The following SMYD3 variants were observed in gnomAD, a reference collection of about 807,000 sequenced individuals.
SMYD3 encodes the protein histone-lysine N-methyltransferase SMYD3.
Under a neutral mutation model 57.7 loss-of-function variants are expected in SMYD3, and 36 were observed. The ratio of observed to expected loss-of-function variants is 0.62; its 90% CI spans 0.48 to 0.82. The LOEUF is 0.82. Among genes scored for constraint, SMYD3 ranks in the 40% least tolerant of loss-of-function variants. The probability of loss-of-function intolerance (pLI) is 0.00; values close to 1 mark genes in which losing one functional copy is unlikely to be tolerated. For missense variants in SMYD3, 515 were observed against 538.8 expected (o/e 0.96, Z 0.44); for synonymous variants, 211 against 195.0 (o/e 1.08, Z -0.68).
chr1:245,961,802 T>G (rs1173123484), intron 5 of SMYD3, among the ~76,000 whole-genome samples: 1 of 152,170 alleles, frequency 6.6e-6, no homozygotes, highest in Non-Finnish European at 1.5e-5. Flanking sequence ...ATTTTGAGAC[T>G]GAGAATGTAG....
intron 7 of SMYD3, among the ~76,000 whole-genome samples, chr1:245,915,967 C>A (rs534571943): frequency 2.2e-4 from 33 of 152,110 alleles, no homozygotes; most frequent in Non-Finnish European, 4.3e-4. Context: ...CTAAGGTTTG[C>A]TAATAAATTC....
intron 5 of SMYD3, among the ~76,000 whole-genome samples, chr1:246,228,450 C>A (rs535699445): frequency 2.0e-5 from 3 of 152,182 alleles, no homozygotes; most frequent in Non-Finnish European, 4.4e-5. Flanking sequence ...GAGGCTCCAA[C>A]ATTTTGAGGC....
chr1:246,439,155 T>TCAAGAC (rs1229445445), intron 1 of SMYD3, among the ~76,000 whole-genome samples: 4 of 150,990 alleles, frequency 2.6e-5, no homozygotes. Flanking sequence ...AGAGACAAGG[T>TCAAGAC]CTTGCTATGT....
intron 10 of SMYD3, among the ~76,000 whole-genome samples, chr1:245,816,077 C>T (rs1014406647): frequency 1.3e-5 from 2 of 152,112 alleles, no homozygotes; most frequent in African/African-American, 4.8e-5. Context: ...TGGTCAAAGC[C>T]CTGGGGTGTG....
At chr1:246,376,055 T>G (rs1246622403) in intron 1 of SMYD3, among the ~76,000 whole-genome samples, 1 of 152,112 alleles carries the variant, frequency 6.6e-6, no homozygotes, top group African/African-American at 2.4e-5. Flanking sequence ...TAATAAAGTT[T>G]TGGACTTTAT....
chr1:246,308,399 G>A (rs2065022491), intron 5 of SMYD3, among the ~76,000 whole-genome samples: 1 of 151,988 alleles, frequency 6.6e-6, no homozygotes, highest in South Asian at 2.1e-4. Context: ...ATATGCCATA[G>A]AAATAAAAGG....
chr1:246,190,308 C>T (rs777631331), intron 5 of SMYD3, among the ~76,000 whole-genome samples: 4 of 152,094 alleles, frequency 2.6e-5, no homozygotes, highest in Admixed American at 6.6e-5. Flanking sequence ...CATGGGAGGC[C>T]GGGCGCGGTG....
At chr1:245,878,132 C>T (rs1427841118) in intron 8 of SMYD3, among the ~76,000 whole-genome samples, 3 of 151,992 alleles carry the variant, frequency 2.0e-5, no homozygotes, top group East Asian at 3.9e-4. Flanking sequence ...TCAGAGAGAG[C>T]GTGCTTTGGG....
chr1:246,227,103 G>C (rs2063341541), intron 5 of SMYD3, among the ~76,000 whole-genome samples: 2 of 152,136 alleles, frequency 1.3e-5, no homozygotes, highest in South Asian at 4.2e-4. Flanking sequence ...TATTAACCAA[G>C]TCCAACGTCC....
At chr1:246,211,767 C>T (rs1273679067) in intron 5 of SMYD3, among the ~76,000 whole-genome samples, 1 of 152,002 alleles carries the variant, frequency 6.6e-6, no homozygotes, top group Non-Finnish European at 1.5e-5. Flanking sequence ...GAAGTATATA[C>T]GTGCAGATAT....
intron 10 of SMYD3, among the ~76,000 whole-genome samples, chr1:245,846,968 C>T (rs933405528): frequency 4.6e-5 from 7 of 152,216 alleles, no homozygotes; most frequent in African/African-American, 1.7e-4. Context: ...CATCTGTTTC[C>T]CTCTTTGCAG....
chr1:245,981,148 A>AT (rs1381281784), intron 5 of SMYD3, among the ~76,000 whole-genome samples: 1 of 152,202 alleles, frequency 6.6e-6, no homozygotes, highest in Non-Finnish European at 1.5e-5. Flanking sequence ...GACCTACCTG[A>AT]TTTATAGTAG....
At position 245,863,806 on chromosome 1, in the gene SMYD3, T is replaced by G. The variant is rs752171127; in HGVS notation, c.894A>C (p.Ala298=). 16 of 1,613,848 alleles carry G rather than the reference T, an allele frequency of 9.9e-6. No homozygotes were observed. The East Asian group carries it at 3.3e-4, about 34-fold the overall frequency. ...CCACAGGCGAAAGGATACTCCAGTG[T>G]GCCTTCAGTTCTTCAATTTTTTTCA... ...ESLKKIEELK[A]HWKWEQVLAM... Residue 298 remains alanine (A), a synonymous_variant, in exon 9 of 12, where the codon GCA becomes GCC. Transcript: ENST00000490107.
At chr1:245,932,683 G>A (rs2056790663) in intron 5 of SMYD3, among the ~76,000 whole-genome samples, 2 of 152,094 alleles carry the variant, frequency 1.3e-5, no homozygotes, top group Non-Finnish European at 1.5e-5. Flanking sequence ...CAGAGCCTCC[G>A]GGGTAACTGG....
intron 5 of SMYD3, among the ~76,000 whole-genome samples, chr1:246,177,463 C>T (rs1191497440): frequency 6.6e-6 from 1 of 152,162 alleles, no homozygotes; most frequent in Non-Finnish European, 1.5e-5. Flanking sequence ...GATAATCCCA[C>T]TCTATAGAAA....
intron 5 of SMYD3, among the ~76,000 whole-genome samples, chr1:246,325,027 G>A: frequency 1.4e-5 from 1 of 73,042 alleles, no homozygotes; most frequent in Non-Finnish European, 2.7e-5. Flanking sequence ...GAGCGGGAAG[G>A]AGGGAGAAGG....
At chr1:246,003,280 T>C (rs955248725) in intron 5 of SMYD3, among the ~76,000 whole-genome samples, 10 of 152,198 alleles carry the variant, frequency 6.6e-5, no homozygotes, top group African/African-American at 2.4e-4. Context: ...GTCATCTGCT[T>C]CTCAAACCTC....
chr1:245,761,968 A>G (rs992899447), intron 11 of SMYD3, among the ~76,000 whole-genome samples: 6 of 151,850 alleles, frequency 4.0e-5, no homozygotes, highest in African/African-American at 9.7e-5. Flanking sequence ...GTATTTTTGT[A>G]GAGACGGGAT....
In SMYD3 at chr1:246,189,111, T is replaced by A. The variant is rs190461635; in HGVS notation, c.531+138090A>T. The A allele has an allele frequency of 3.2e-4, 49 of 152,374 alleles. 1 individual carries two copies. Among genetic ancestry groups the A allele is most frequent in the Admixed American group, 3.0e-3 (46 of 15,304 alleles). 9.4% of individuals were successfully genotyped at this position (152,374 alleles called of 1,614,324 possible). ...TCTAATTTTTTAGTATATGTGCTGC[T>A]GAAGCACGAACTAGCCATTGGGTTT... On this transcript the variant is annotated intron_variant, in intron 5 of 11. Coordinates refer to ENST00000490107, the MANE Select transcript of SMYD3 (RefSeq NM_001167740.2).
Sources: gnomAD v4.1 joint callset for allele counts (sites outside exome capture counted in the v4.1 genomes callset) on GRCh38, gnomAD v4.1.1 for gene constraint, MANE v1.5 for transcripts, NCBI Gene and HGNC (gene_info 2026-07-23, HGNC 2026-07-21) for gene names.